CTTNBP2: variants seen among roughly 807,000 people sequenced by gnomAD.
CTTNBP2 encodes cortactin-binding protein 2.
Under a neutral mutation model 156.9 loss-of-function variants are expected in CTTNBP2, and 108 were observed. That is an observed-to-expected ratio of 0.69 (90% CI 0.59 to 0.81). The LOEUF (loss-of-function observed/expected upper bound fraction) is 0.81. Ranked by LOEUF, CTTNBP2 falls within the 30% of genes least tolerant of loss-of-function variation. The pLI, the probability that CTTNBP2 is intolerant of heterozygous loss-of-function variation, is 0.00. For synonymous variants in CTTNBP2, 767 were observed against 751.8 expected (o/e 1.02, Z -0.33); for missense variants, 1,924 against 2,035.4 (o/e 0.95, Z 1.05).
chr7:117,758,056 G>T, intron 10 of CTTNBP2, 86 bp from the exon 11 acceptor site: 3 of 910,832 alleles, frequency 3.3e-6, no homozygotes, highest in Non-Finnish European at 5.0e-6. Context: ...TCTTCTGTGA[G>T]AACCCTAAGG....
chr7:117,745,953 T>A (rs1190052373), intron 13 of CTTNBP2, 23 bp from the exon 14 acceptor site: 1 of 1,611,964 alleles, frequency 6.2e-7, no homozygotes, highest in Non-Finnish European at 8.5e-7. Context: ...AATAGGGTGA[T>A]TAGTTCTACG....
intron 1 of CTTNBP2, among the ~76,000 whole-genome samples, chr7:117,870,502 T>G (rs1804514413): frequency 6.6e-6 from 1 of 152,244 alleles, no homozygotes; most frequent in South Asian, 2.1e-4. Flanking sequence ...AAGTTTTTCT[T>G]TGTCACTGCC....
chr7:117,749,124 A>C (rs1446147086), intron 12 of CTTNBP2, among the ~76,000 whole-genome samples: 1 of 152,220 alleles, frequency 6.6e-6, no homozygotes, highest in East Asian at 1.9e-4. Context: ...ACACTAGCAA[A>C]TAATTTAAGG....
chr7:117,858,677 C>T (rs1451179550), intron 2 of CTTNBP2, among the ~76,000 whole-genome samples: 1 of 152,176 alleles, frequency 6.6e-6, no homozygotes, highest in Non-Finnish European at 1.5e-5. Context: ...TCCACATATC[C>T]AGGAACTGTG....
At chr7:117,838,967 C>CA (rs1222581225) in intron 2 of CTTNBP2, among the ~76,000 whole-genome samples, 5 of 94,920 alleles carry the variant, frequency 5.3e-5, no homozygotes, top group African/African-American at 2.0e-4. Flanking sequence ...ATTGCGGGGG[C>CA]GGGGGGGGGG....
intron 1 of CTTNBP2, among the ~76,000 whole-genome samples, chr7:117,861,834 A>G (rs913519654): frequency 6.6e-6 from 1 of 152,144 alleles, no homozygotes; most frequent in African/African-American, 2.4e-5. Flanking sequence ...CTCGGGTCAC[A>G]AAGTGGGTTT....
At chr7:117,734,301 C>A (rs1795563696) in intron 16 of CTTNBP2, among the ~76,000 whole-genome samples, 1 of 152,212 alleles carries the variant, frequency 6.6e-6, no homozygotes, top group Non-Finnish European at 1.5e-5. Context: ...ATGAGAAAAT[C>A]TTACTAAATC....
intron 22 of CTTNBP2, chr7:117,716,045 A>AAATAAGTGTCTTC (rs1794339474): frequency 6.7e-6 from 1 of 148,686 alleles, no homozygotes; most frequent in Non-Finnish European, 1.5e-5. Flanking sequence ...GAGTCCCTCC[A>AAATAAGTGTCTTC]AATAAGTGTC....
intron 2 of CTTNBP2, among the ~76,000 whole-genome samples, chr7:117,825,530 C>G (rs994955906): frequency 6.6e-6 from 1 of 152,196 alleles, no homozygotes; most frequent in Non-Finnish European, 1.5e-5. Flanking sequence ...TATCCTTCAG[C>G]CTGGTTATAT....
In CTTNBP2 at chr7:117,760,503, A is replaced by G. The variant is rs776845963; in HGVS notation, c.3104T>C (p.Val1035Ala). The part of the protein sequence containing the change: ...SSDGWWSLED[V>A]TCNNTTDSNI... ...GGAATCAGTGGTGTTATTGCAAGTCACGTCTTCCAGACTCCACCATCCATC... is the reference window on the plus strand; with the variant it reads ...GGAATCAGTGGTGTTATTGCAAGTCGCGTCTTCCAGACTCCACCATCCATC... Residue 1035 changes from valine (V) to alanine (A), a missense_variant, in exon 10 of 23, where the codon GTG becomes GCG. Physicochemically the swap from Val to Ala is moderately conservative, Grantham distance 64. Transcript: ENST00000160373. 8.1e-6 allele frequency: 13 copies of G among 1,614,152 alleles called. No homozygotes were observed. Among genetic ancestry groups the G allele is most frequent in the Non-Finnish European group, 1.1e-5 (13 of 1,179,984 alleles).
chr7:117,804,993 G>T (rs1799846316), intron 3 of CTTNBP2, among the ~76,000 whole-genome samples: 1 of 152,072 alleles, frequency 6.6e-6, no homozygotes, highest in Admixed American at 6.5e-5. Context: ...CTTTTCTGTG[G>T]TCTCTCTTCT....
At chr7:117,720,983 A>G (rs1019079413) in intron 20 of CTTNBP2, 84 bp downstream of exon 20, 10 of 910,598 alleles carry the variant, frequency 1.1e-5, no homozygotes, top group Non-Finnish European at 1.8e-5. Context: ...CATTCAAATG[A>G]GAACATGGAA....
At chr7:117,870,849 C>T (rs1804546543) in intron 1 of CTTNBP2, among the ~76,000 whole-genome samples, 2 of 152,158 alleles carry the variant, frequency 1.3e-5, no homozygotes, top group East Asian at 1.9e-4. Context: ...GTTACCCAGC[C>T]TTAAACTTGG....
At chr7:117,774,305 T>A (rs1353925565) in intron 8 of CTTNBP2, among the ~76,000 whole-genome samples, 1 of 152,184 alleles carries the variant, frequency 6.6e-6, no homozygotes, top group Admixed American at 6.5e-5. Context: ...CCATTTCCCA[T>A]TTCTTGTAGA....
At chr7:117,713,471 C>T (rs1056836006) in intron 22 of CTTNBP2, among the ~76,000 whole-genome samples, 6 of 152,150 alleles carry the variant, frequency 3.9e-5, no homozygotes, top group African/African-American at 1.4e-4. Flanking sequence ...TAATGCTGCT[C>T]TCCCAGTGAA....
intron 3 of CTTNBP2, among the ~76,000 whole-genome samples, chr7:117,803,310 A>G (rs1008877079): frequency 6.6e-6 from 1 of 152,190 alleles, no homozygotes; most frequent in African/African-American, 2.4e-5. Flanking sequence ...CAAATACCAC[A>G]AGTTCTCACT....
intron 2 of CTTNBP2, among the ~76,000 whole-genome samples, chr7:117,849,318 G>T (rs1400821233): frequency 6.6e-6 from 1 of 152,220 alleles, no homozygotes. Flanking sequence ...AGGACTTGTG[G>T]AAACACGGAA....
rs570173062 is a variant in CTTNBP2, at chr7:117,755,460, T to C, written c.3348+1095A>G. 7.4e-6 allele frequency: 3 copies of C among 406,482 alleles called. No homozygotes were observed. The East Asian group carries it at 2.4e-4, about 33-fold the overall frequency. 25.2% of individuals were successfully genotyped at this position (406,482 alleles called of 1,614,324 possible). On this transcript the variant is annotated intron_variant, in intron 12 of 22. Transcript: ENST00000160373. The stretch of plus-strand genomic sequence containing the variant: ...AATTATGTTTAATGTTTTATACCAG[T>C]AGTATTAGTTTCAGATTGATCTCAT...
intron 2 of CTTNBP2, among the ~76,000 whole-genome samples, chr7:117,832,241 T>A (rs1261405784): frequency 6.6e-6 from 1 of 152,072 alleles, no homozygotes; most frequent in African/African-American, 2.4e-5. Flanking sequence ...ATCCCGCTCA[T>A]CTTTAACCCC....
Sources: allele counts gnomAD v4.1 joint callset (sites outside exome capture counted in the v4.1 genomes callset), GRCh38; gene constraint gnomAD v4.1.1; transcripts MANE v1.5; gene names NCBI Gene and HGNC (gene_info 2026-07-23, HGNC 2026-07-21).